Variants in RALGPS2 observed in about 807,000 individuals in gnomAD.
RALGPS2 encodes the protein ras-specific guanine nucleotide-releasing factor RalGPS2.
RALGPS2 carries 43 observed loss-of-function variants against 86.8 expected under a neutral mutation model. The ratio of observed to expected loss-of-function variants is 0.50; its 90% confidence interval spans 0.39 to 0.64. The LOEUF is 0.64. RALGPS2 is among the 30% of genes least tolerant of loss of function. The pLI, the probability that RALGPS2 is intolerant of heterozygous loss-of-function variation, is 0.00. For synonymous variants in RALGPS2, 243 were observed against 231.3 expected (o/e 1.05, Z -0.46); for missense variants, 536 against 694.6 (o/e 0.77, Z 2.57).
chr1:178,884,594 C>T (rs1176297372), intron 11 of RALGPS2, among the ~76,000 whole-genome samples: 4 of 152,110 alleles, frequency 2.6e-5, no homozygotes, highest in African/African-American at 4.8e-5. Context: ...CTGTTTTGCA[C>T]TTTTATAATA....
intron 17 of RALGPS2, among the ~76,000 whole-genome samples, chr1:178,901,352 T>A (rs911424924): frequency 2.0e-5 from 3 of 152,052 alleles, no homozygotes; most frequent in Non-Finnish European, 4.4e-5. Context: ...ATTGTCGCCT[T>A]GTTTTTCTTT....
intron 1 of RALGPS2, among the ~76,000 whole-genome samples, chr1:178,732,578 C>T (rs1170636692): frequency 2.0e-5 from 3 of 152,208 alleles, no homozygotes; most frequent in South Asian, 4.2e-4. Flanking sequence ...GGATTACAGG[C>T]GTGAGCCACC....
intron 1 of RALGPS2, among the ~76,000 whole-genome samples, chr1:178,738,900 TC>T (rs1478033743): frequency 6.6e-6 from 1 of 152,226 alleles, no homozygotes; most frequent in Non-Finnish European, 1.5e-5. Context: ...AGTAAATTAT[TC>T]GTTATACCTC....
At chr1:178,815,624 A>T (rs745728975) in intron 6 of RALGPS2, among the ~76,000 whole-genome samples, 2 of 152,240 alleles carry the variant, frequency 1.3e-5, no homozygotes, top group African/African-American at 4.8e-5. Context: ...ATTTATAAAC[A>T]GTGAACATTC....
chr1:178,746,685 AG>A, intron 1 of RALGPS2: 5 of 772,776 alleles, frequency 6.5e-6, no homozygotes, highest in Non-Finnish European at 1.2e-5. Context: ...CATGAATATT[AG>A]GTATCTGTCA....
chr1:178,805,058 T>C (rs1654676651), intron 4 of RALGPS2, among the ~76,000 whole-genome samples: 1 of 151,788 alleles, frequency 6.6e-6, no homozygotes, highest in African/African-American at 2.4e-5. Context: ...ATGTGTTTTT[T>C]GGCTGCATAA....
intron 1 of RALGPS2, among the ~76,000 whole-genome samples, chr1:178,728,789 G>A (rs1650177204): frequency 6.6e-6 from 1 of 151,686 alleles, no homozygotes; most frequent in Non-Finnish European, 1.5e-5. Flanking sequence ...AATCTTTTTT[G>A]GTTTAATGTC....
intron 19 of RALGPS2, among the ~76,000 whole-genome samples, chr1:178,911,564 T>C (rs1368682549): frequency 1.3e-5 from 2 of 152,240 alleles, no homozygotes; most frequent in African/African-American, 4.8e-5. Context: ...TATTGTACTG[T>C]AGTCTGAGGC....
intron 1 of RALGPS2, among the ~76,000 whole-genome samples, chr1:178,762,050 C>T (rs924889809): frequency 2.0e-5 from 3 of 152,014 alleles, no homozygotes; most frequent in Non-Finnish European, 4.4e-5. Flanking sequence ...CAGTTGTTCC[C>T]CTCTTTGTGC....
At chr1:178,891,185 T>C (rs1659698101) in intron 14 of RALGPS2, among the ~76,000 whole-genome samples, 1 of 152,058 alleles carries the variant, frequency 6.6e-6, no homozygotes, top group Non-Finnish European at 1.5e-5. Context: ...GTGTTTTGCT[T>C]TGCAGACATG....
chr1:178,865,224 G>C (rs767092542), intron 8 of RALGPS2: 5 of 1,614,000 alleles, frequency 3.1e-6, no homozygotes, highest in Non-Finnish European at 4.2e-6. Flanking sequence ...TTATTGACAA[G>C]ATCAGTCAAG....
At chr1:178,784,045 A>G (rs1413071537) in intron 2 of RALGPS2, among the ~76,000 whole-genome samples, 1 of 152,164 alleles carries the variant, frequency 6.6e-6, no homozygotes, top group African/African-American at 2.4e-5. Context: ...TTTTCTTAAT[A>G]AAAATTAGTT....
chr1:178,786,481 C>T (rs888211886), intron 4 of RALGPS2, among the ~76,000 whole-genome samples: 2 of 151,818 alleles, frequency 1.3e-5, no homozygotes, highest in African/African-American at 2.4e-5. Flanking sequence ...AAGGGACTGG[C>T]GTTATGCATC....
intron 8 of RALGPS2, among the ~76,000 whole-genome samples, chr1:178,871,527 G>A (rs1427789121): frequency 8.0e-6 from 1 of 124,436 alleles, no homozygotes; most frequent in Admixed American, 7.8e-5. Flanking sequence ...ATTTTACTAA[G>A]TTGCTAATGA....
chr1:178,824,809 A>G (rs1242006800), intron 7 of RALGPS2, among the ~76,000 whole-genome samples: 1 of 125,522 alleles, frequency 8.0e-6, no homozygotes, highest in Non-Finnish European at 1.7e-5. Context: ...ACTCTGTCTC[A>G]AAAAAAAAGA....
At chr1:178,761,895 G>T (rs1268026160) in intron 1 of RALGPS2, among the ~76,000 whole-genome samples, 6 of 152,064 alleles carry the variant, frequency 3.9e-5, no homozygotes, top group Admixed American at 1.3e-4. Flanking sequence ...AGGGTCCGGG[G>T]TATTTGTTAT....
chr1:178,895,065 TG>T lies in RALGPS2; in HGVS notation c.1431+1049del, dbSNP rs142929161. On this transcript the variant is annotated intron_variant, in intron 16 of 19. Transcript: ENST00000367635. ...ATGCTTTCCAAACCTATAACTATAT[TG>T]GGGGGGGAAAAAAGGAAGATTGGTG... 9.2e-5 allele frequency among the ~76,000 whole-genome samples: 14 copies of T among 151,622 alleles called. No homozygotes were observed. The East Asian group carries it at 9.7e-4, about 10-fold the overall frequency.
chr1:178,809,903 G>T (rs1036103871), intron 5 of RALGPS2, among the ~76,000 whole-genome samples: 1 of 152,028 alleles, frequency 6.6e-6, no homozygotes, highest in Non-Finnish European at 1.5e-5. Context: ...AGTGATATAC[G>T]TCCTAACTTT....
At chr1:178,789,736 CT>C in intron 4 of RALGPS2, among the ~76,000 whole-genome samples, 1 of 152,124 alleles carries the variant, frequency 6.6e-6, no homozygotes, top group Non-Finnish European at 1.5e-5. Context: ...AATACAGGTA[CT>C]TGATTTGCTT....
Sources: gnomAD v4.1 joint callset for allele counts (sites outside exome capture counted in the v4.1 genomes callset) on GRCh38, gnomAD v4.1.1 for gene constraint, MANE v1.5 for transcripts, NCBI Gene and HGNC (gene_info 2026-07-23, HGNC 2026-07-21) for gene names.